Variants in TJP3 observed in about 807,000 individuals in gnomAD.
The protein encoded by TJP3 is tight junction protein ZO-3.
In TJP3, 85 loss-of-function variants were observed where a neutral mutation model predicts 104.2. The observed-to-expected ratio is 0.82, with a 90% CI of 0.68 to 0.98. The LOEUF is 0.98. Among genes scored for constraint, TJP3 ranks in the 50% least tolerant of loss-of-function variants. The probability of loss-of-function intolerance (pLI) is 0.00; values close to 1 mark genes in which losing one functional copy is unlikely to be tolerated. For missense variants in TJP3, 1,367 were observed against 1,322.8 expected, an observed-to-expected ratio of 1.03 and a Z score of -0.52; for synonymous variants, 550 against 550.6, an observed-to-expected ratio of 1.00 and a Z score of 0.02.
intron 1 of TJP3, among the ~76,000 whole-genome samples, chr19:3,724,273 G>A (rs546561029): frequency 2.2e-4 from 34 of 151,842 alleles, no homozygotes; most frequent in African/African-American, 8.0e-4. Context: ...TTGGCTCACT[G>A]CAAGCTCCGC....
Position 3,738,911 on chromosome 19 carries a change from G to A in TJP3, c.1408G>A (p.Val470Met), listed in dbSNP as rs1458766191. ...QRKQDIFWKM[V>M]QSRVGDSFYI... ...GCTCTCCCCAGTTTTCTGGAAAATG[G>A]TGCAGTCCCGCGTGGGTGACTCCTT... The change falls in exon 13 of 21, where the codon GTG becomes ATG. Residue 470 changes from valine to methionine, a missense_variant. By Grantham distance (21) the Val-to-Met change is conservative. Coordinates refer to ENST00000541714, the MANE Select transcript of TJP3 (RefSeq NM_001267560.2). 3.1e-6 allele frequency: 5 copies of A among 1,597,862 alleles called. No homozygotes were observed. The highest frequency in any genetic ancestry group is 4.3e-6 in the Non-Finnish European group (5 of 1,169,270).
intron 1 of TJP3, among the ~76,000 whole-genome samples, chr19:3,727,081 TAAA>T (rs565948123): frequency 7.1e-4 from 101 of 141,714 alleles, no homozygotes; most frequent in African/African-American, 2.6e-3. Flanking sequence ...AGACCCTGTC[TAAA>T]AAAAAAAAAG....
chr19:3,721,807 C>A, intron 1 of TJP3: 2 of 739,194 alleles, frequency 2.7e-6, no homozygotes, highest in Non-Finnish European at 3.7e-6. Context: ...CTCTCCTCAG[C>A]CCCCTCCCCC....
rs569846387 is a variant in TJP3 at position 3,740,631 on chromosome 19, C to A, written c.1711C>A (p.Arg571=). The part of the protein sequence containing the change: ...GPGSSAGSNA[R]AEFWRLRGLR... ...CGGCTCCTCCGCGGGCTCCAATGCT[C>A]GGGCCGAGTTCTGGCGGCTGCGGGG... The change falls in exon 14 of 21, where the codon CGG becomes AGG. Residue 571 remains arginine, a synonymous_variant. Coordinates refer to ENST00000541714, the MANE Select transcript of TJP3 (RefSeq NM_001267560.2). 6.3e-7 allele frequency: 1 copy of A among 1,592,962 alleles called. No individual in the cohort carries two copies.
At chr19:3,718,082 T>C (rs1303658126) in intron 1 of TJP3, among the ~76,000 whole-genome samples, 1 of 151,040 alleles carries the variant, frequency 6.6e-6, no homozygotes, top group East Asian at 2.0e-4. Context: ...GGCATGTGCC[T>C]GTAGTCCCAG....
intron 1 of TJP3, among the ~76,000 whole-genome samples, chr19:3,709,555 G>A (rs746426289): frequency 1.8e-4 from 27 of 152,284 alleles, no homozygotes; most frequent in East Asian, 5.8e-4. Context: ...GAGCTTCCTC[G>A]TGAGCCAAGT....
chr19:3,737,866 C>T (rs1338523772), intron 11 of TJP3, among the ~76,000 whole-genome samples: 3 of 152,156 alleles, frequency 2.0e-5, no homozygotes, highest in Non-Finnish European at 4.4e-5. Context: ...ACAAGCTGTG[C>T]AAGTATATTG....
chr19:3,727,483 CAAAAAAA>C (rs36057859), intron 1 of TJP3, among the ~76,000 whole-genome samples: 1 of 86,650 alleles, frequency 1.2e-5, no homozygotes. Flanking sequence ...AACTCTGTCT[CAAAAAAA>C]AAAAAAAAAA....
At chr19:3,720,587 T>C (rs964938882) in intron 1 of TJP3, among the ~76,000 whole-genome samples, 16 of 151,790 alleles carry the variant, frequency 1.1e-4, no homozygotes, top group African/African-American at 2.4e-5. Context: ...CCTTTTAACC[T>C]TGGGGTGGGG....
intron 14 of TJP3, among the ~76,000 whole-genome samples, chr19:3,743,215 G>T (rs144947060): frequency 0.012 from 1,802 of 152,198 alleles, 38 homozygotes; most frequent in African/African-American, 0.041. Flanking sequence ...AGTGAGCCAA[G>T]ATTGCGCCAC....
In TJP3 at chr19:3,746,989, G is replaced by T. The variant is rs767697741; in HGVS notation, c.2322+113G>T. 1.7e-5 allele frequency: 17 copies of T among 1,017,162 alleles called. No individual in the cohort carries two copies. The highest frequency in any genetic ancestry group is 2.3e-5 in the Non-Finnish European group (16 of 682,008). 63.0% of individuals were successfully genotyped at this position (1,017,162 alleles called of 1,614,324 possible). A position where few individuals can be genotyped will look rare whatever the true frequency, so the allele number is the denominator to read the frequency against. On this transcript the variant is annotated intron_variant, in intron 18 of 20. Coordinates refer to ENST00000541714, the MANE Select transcript of TJP3 (RefSeq NM_001267560.2). This position sits in a 1 kb window ranked among gnomAD's most constrained non-coding sequence, Gnocchi z 4.1. ...TAGGGCTTGGTCAGGGATCAGGACTGTGGCCAGAGTCAAGATGGGACCTGA... is the reference window on the plus strand; with the variant it reads ...TAGGGCTTGGTCAGGGATCAGGACTTTGGCCAGAGTCAAGATGGGACCTGA...
At position 3,730,365 on chromosome 19, in the gene TJP3, G is replaced by C; in HGVS notation, c.272G>C (p.Arg91Pro). ...CCCCTCCTCTAACAGACAGTGAAAC[G>C]TCCCCGGAGGATCCACCTGCCCGCC... ...CTKMANITVK[R>P]PRRIHLPATK... Residue 91 changes from arginine to proline, a missense_variant, in exon 5 of 21, where the codon CGT (arginine) becomes CCT (proline). By Grantham distance (103) the Arg-to-Pro change is moderately radical (BLOSUM62 -2). Transcript: ENST00000541714. The surrounding 1 kb of genome is among the most constrained non-coding windows in gnomAD (Gnocchi z 7.3). 6.5e-7 allele frequency: 1 copy of C among 1,530,680 alleles called. No homozygotes were observed. Among genetic ancestry groups the C allele is most frequent in the Non-Finnish European group, 8.8e-7 (1 of 1,139,692 alleles). 94.8% of individuals were successfully genotyped at this position (1,530,680 alleles called of 1,614,324 possible). A position where few individuals can be genotyped will look rare whatever the true frequency, so the allele number is the denominator to read the frequency against.
At chr19:3,722,856 C>CGGGG (rs57421122) in intron 1 of TJP3, among the ~76,000 whole-genome samples, 128 of 11,208 alleles carry the variant, frequency 0.011, 6 homozygotes, top group East Asian at 0.074. Flanking sequence ...GATGGGGTGG[C>CGGGG]GGGGGGGGGG....
chr19:3,734,283 A>G (rs1303638673), intron 7 of TJP3, 44 bp from the exon 8 acceptor site: 1 of 1,599,492 alleles, frequency 6.3e-7, no homozygotes, highest in Admixed American at 1.7e-5. Flanking sequence ...GGTCCAGTCC[A>G]GAAGGCGTGA....
chr19:3,716,366 C>T (rs2036477081), intron 1 of TJP3, among the ~76,000 whole-genome samples: 2 of 148,590 alleles, frequency 1.3e-5, no homozygotes, highest in South Asian at 2.3e-4. Flanking sequence ...AGTCACCGCG[C>T]TCGGCCTGGT....
chr19:3,722,545 G>A (rs1207823692), intron 1 of TJP3, among the ~76,000 whole-genome samples: 1 of 151,226 alleles, frequency 6.6e-6, no homozygotes, highest in Non-Finnish European at 1.5e-5. Context: ...GCAGGGGTGG[G>A]GTGAGCAAGC....
intron 1 of TJP3, among the ~76,000 whole-genome samples, chr19:3,718,244 T>G (rs1219044729): frequency 1.1e-5 from 1 of 92,036 alleles, no homozygotes; most frequent in African/African-American, 4.8e-5. Context: ...TGTGTGTGTG[T>G]GTGTGTGTGT....
intron 1 of TJP3, among the ~76,000 whole-genome samples, chr19:3,719,036 T>G (rs967664917): frequency 1.3e-5 from 2 of 151,376 alleles, no homozygotes; most frequent in Non-Finnish European, 2.9e-5. Flanking sequence ...ATACAAAAAT[T>G]AGCCACGCGT....
intron 18 of TJP3, among the ~76,000 whole-genome samples, chr19:3,747,492 G>A (rs1461266352): frequency 6.6e-6 from 1 of 152,108 alleles, no homozygotes; most frequent in East Asian, 2.0e-4. Context: ...CAGAGATTGC[G>A]CCACAGCACT....
Sources: allele counts gnomAD v4.1 joint callset (sites outside exome capture counted in the v4.1 genomes callset), GRCh38; gene constraint gnomAD v4.1.1; non-coding constraint Gnocchi (gnomAD v3.1); transcripts MANE v1.5; gene names NCBI Gene and HGNC (gene_info 2026-07-23, HGNC 2026-07-21).